Variants in WDR64 observed in about 807,000 individuals in gnomAD.
The protein encoded by WDR64 is WD repeat-containing protein 64.
Under a neutral mutation model 139.3 loss-of-function variants are expected in WDR64, and 112 were observed. That is an observed-to-expected ratio of 0.80 (90% CI 0.69 to 0.94). The LOEUF (loss-of-function observed/expected upper bound fraction) is 0.94, where lower values mean the gene tolerates loss of function less well. WDR64 is among the 40% of genes least tolerant of loss of function. The probability of loss-of-function intolerance (pLI) is 0.00; values close to 1 mark genes in which losing one functional copy is unlikely to be tolerated. For synonymous variants in WDR64, 444 were observed against 437.7 expected, an observed-to-expected ratio of 1.01 and a Z score of -0.18; for missense variants, 1,206 against 1,293.1, an observed-to-expected ratio of 0.93 and a Z score of 1.03.
chr1:241,699,572 G>A (rs757319852), intron 8 of WDR64, among the ~76,000 whole-genome samples: 6 of 152,156 alleles, frequency 3.9e-5, no homozygotes, highest in Non-Finnish European at 8.8e-5. Context: ...TCTTAGGATA[G>A]GATTGTAGGG....
chr1:241,786,344 A>G (rs888558803), intron 23 of WDR64, among the ~76,000 whole-genome samples: 3 of 152,170 alleles, frequency 2.0e-5, no homozygotes, highest in African/African-American at 7.2e-5. Flanking sequence ...GCTCATGATG[A>G]TGATTGCCAT....
In WDR64 at chr1:241,741,497, AT is replaced by A; in HGVS notation, c.1322-17del. The A allele has an allele frequency of 6.3e-7, 1 of 1,576,676 alleles. No homozygotes were observed. The highest frequency in any genetic ancestry group is 2.3e-5 in the East Asian group (1 of 43,614). On this transcript the variant is annotated intron_variant, in intron 11 of 27. Transcript: ENST00000437684. The stretch of plus-strand genomic sequence containing the variant: ...ACTTCTAATATTGCATATTTATGAG[AT>A]TCTTACTTCTGTTCCAGGATCTAGT...
chr1:241,672,715 G>A (rs1433813818), intron 3 of WDR64, among the ~76,000 whole-genome samples: 2 of 152,216 alleles, frequency 1.3e-5, no homozygotes, highest in Admixed American at 6.5e-5. Context: ...GGAAGGAGAA[G>A]GTGGTTTGAG....
intron 15 of WDR64, among the ~76,000 whole-genome samples, 179 bp downstream of exon 15, chr1:241,757,638 C>A (rs909465003): frequency 5.4e-5 from 8 of 149,144 alleles, no homozygotes; most frequent in Admixed American, 3.4e-4. Context: ...ACGACCACCA[C>A]CAATGGATTT....
chr1:241,719,871 G>A (rs1040371472), intron 9 of WDR64, among the ~76,000 whole-genome samples: 3 of 152,086 alleles, frequency 2.0e-5, no homozygotes, highest in African/African-American at 4.8e-5. Context: ...AGGTAAACAT[G>A]TGCCATGGTG....
At chr1:241,678,118 T>C (rs1044349592) in intron 4 of WDR64, 69 bp from the exon 5 acceptor site, 6 of 398,556 alleles carry the variant, frequency 1.5e-5, no homozygotes, top group East Asian at 1.1e-4. Context: ...TGTGTTGTTT[T>C]AGAGTCAGCA....
At chr1:241,781,404 G>A (rs901905693) in intron 22 of WDR64, among the ~76,000 whole-genome samples, 1 of 152,068 alleles carries the variant, frequency 6.6e-6, no homozygotes, top group African/African-American at 2.4e-5. Flanking sequence ...ATATACAACA[G>A]AACCATAGAA....
At chr1:241,712,527 G>C (rs1197347047) in intron 9 of WDR64, among the ~76,000 whole-genome samples, 1 of 152,158 alleles carries the variant, frequency 6.6e-6, no homozygotes, top group African/African-American at 2.4e-5. Flanking sequence ...AATATCCATA[G>C]GATGGCCTTG....
intron 1 of WDR64, among the ~76,000 whole-genome samples, chr1:241,654,037 T>C (rs1285583477): frequency 6.6e-6 from 1 of 152,220 alleles, no homozygotes; most frequent in East Asian, 1.9e-4. Flanking sequence ...CTATGGGATG[T>C]CTGCTTCTCT....
intron 2 of WDR64, 61 bp from the exon 3 acceptor site, chr1:241,671,013 G>A: frequency 8.3e-7 from 1 of 1,202,654 alleles, no homozygotes; most frequent in Non-Finnish European, 1.2e-6. Context: ...CATGAGATCT[G>A]CTACTTTATA....
Position 241,702,091 on chromosome 1 carries a change from A to G in WDR64, c.975-9711A>G, listed in dbSNP as rs575243016. 7.2e-5 allele frequency among the ~76,000 whole-genome samples: 11 copies of G among 152,334 alleles called. No homozygotes were observed. The East Asian group carries it at 2.1e-3, about 29-fold the overall frequency. On this transcript the variant is annotated intron_variant, in intron 8 of 27. Transcript: ENST00000437684. ...GCAAGAAAATAAACATCTGCAATTAATTATGCCATGTAAAGCATGTTGCCT... is the reference window on the plus strand; with the variant it reads ...GCAAGAAAATAAACATCTGCAATTAGTTATGCCATGTAAAGCATGTTGCCT...
intron 22 of WDR64, among the ~76,000 whole-genome samples, chr1:241,781,740 AT>A (rs1436891278): frequency 1.3e-5 from 2 of 151,910 alleles, no homozygotes; most frequent in African/African-American, 4.8e-5. Flanking sequence ...TGTAACCAGT[AT>A]TTTTATAAAA....
chr1:241,764,207 G>A (rs565362956), intron 15 of WDR64, among the ~76,000 whole-genome samples: 1 of 152,294 alleles, frequency 6.6e-6, no homozygotes, highest in South Asian at 2.1e-4. Context: ...ATAACAAATG[G>A]AAGGCCATGG....
At chr1:241,751,277 T>C (rs185692087) in intron 14 of WDR64, among the ~76,000 whole-genome samples, 1 of 152,280 alleles carries the variant, frequency 6.6e-6, no homozygotes, top group African/African-American at 2.4e-5. Flanking sequence ...CCATTTTTTT[T>C]CCAACTAAAA....
At chr1:241,779,596 C>T (rs1007821388) in intron 21 of WDR64, among the ~76,000 whole-genome samples, 8 of 152,042 alleles carry the variant, frequency 5.3e-5, no homozygotes, top group South Asian at 2.1e-4. Context: ...GAGGCCAAGG[C>T]GGGTGGATCA....
intron 10 of WDR64, among the ~76,000 whole-genome samples, chr1:241,733,304 G>A (rs1405927916): frequency 3.9e-5 from 6 of 151,912 alleles, no homozygotes; most frequent in Admixed American, 2.0e-4. Flanking sequence ...GTGAAACCTC[G>A]TCTCTACTAA....
intron 27 of WDR64, among the ~76,000 whole-genome samples, chr1:241,798,251 A>G (rs1055672289): frequency 2.6e-5 from 4 of 152,204 alleles, no homozygotes; most frequent in Non-Finnish European, 5.9e-5. Context: ...AAAAGAATAG[A>G]TGTCTTCATT....
intron 10 of WDR64, among the ~76,000 whole-genome samples, chr1:241,726,650 T>C (rs888459567): frequency 6.6e-5 from 10 of 152,100 alleles, no homozygotes; most frequent in African/African-American, 2.4e-4. Flanking sequence ...TTCAACATTA[T>C]GTAAATGAAT....
Position 241,784,953 on chromosome 1 carries a change from G to GAAAAAAAAAAAAA in WDR64, c.2705+1583_2705+1595dup, listed in dbSNP as rs58720618. On this transcript the variant is annotated intron_variant, in intron 23 of 27. Transcript: ENST00000437684. ...TGGGCGACAGAGTGAGACTCTGTCT[G>GAAAAAAAAAAAAA]AAAAAAAAAAAAAAAAAAAAAAAGA... Among the ~76,000 whole-genome samples the GAAAAAAAAAAAAA allele has an allele frequency of 6.5e-3, 403 of 62,168 alleles. 11 individuals carry two copies. The highest frequency in any genetic ancestry group is 0.019 in the East Asian group (31 of 1,646). The allele number at this position is 62,168 out of a possible 152,430, so 40.8% of individuals were successfully genotyped here.
Sources: allele counts gnomAD v4.1 joint callset (sites outside exome capture counted in the v4.1 genomes callset), GRCh38; gene constraint gnomAD v4.1.1; transcripts MANE v1.5; gene names NCBI Gene and HGNC (gene_info 2026-07-23, HGNC 2026-07-21).